Variants in FBXL7 observed in about 807,000 individuals in gnomAD.
The protein encoded by FBXL7 is F-box/LRR-repeat protein 7.
FBXL7 carries 12 observed loss-of-function variants against 38.3 expected under a neutral mutation model. The ratio of observed to expected loss-of-function variants is 0.31; its 90% confidence interval spans 0.20 to 0.51. FBXL7 has a LOEUF of 0.51. FBXL7 is among the 20% of genes least tolerant of loss of function. The probability of loss-of-function intolerance (pLI) is 0.98; values close to 1 mark genes in which losing one functional copy is unlikely to be tolerated. For missense variants in FBXL7, 567 were observed against 676.4 expected (o/e 0.84, Z 1.79); for synonymous variants, 297 against 300.9 (o/e 0.99, Z 0.13).
At chr5:15,617,857 C>T (rs563038986) in intron 2 of FBXL7, among the ~76,000 whole-genome samples, 2 of 152,240 alleles carry the variant, frequency 1.3e-5, no homozygotes, top group East Asian at 3.9e-4. Flanking sequence ...TGTTTTCTAC[C>T]GTTGTTTTAC....
At chr5:15,568,029 C>T (rs1475878240) in intron 1 of FBXL7, among the ~76,000 whole-genome samples, 1 of 152,080 alleles carries the variant, frequency 6.6e-6, no homozygotes, top group African/African-American at 2.4e-5. Flanking sequence ...CAAGTCTTTG[C>T]TATTGTGAAT....
intron 1 of FBXL7, among the ~76,000 whole-genome samples, chr5:15,533,832 C>T (rs1020671445): frequency 2.0e-5 from 3 of 152,102 alleles, no homozygotes; most frequent in Admixed American, 2.0e-4. Flanking sequence ...AATCTGGCTA[C>T]TTTCTAAGCC....
chr5:15,748,566 C>T (rs1317352595), intron 2 of FBXL7, among the ~76,000 whole-genome samples: 2 of 152,148 alleles, frequency 1.3e-5, no homozygotes, highest in African/African-American at 2.4e-5. Flanking sequence ...TCTCTTTTGC[C>T]TTCTGTCATG....
rs192121475 is a variant in FBXL7, at chr5:15,719,353, T to C, written c.127+103281T>C. Among the ~76,000 whole-genome samples the C allele has an allele frequency of 1.7e-4, 26 of 150,030 alleles. 1 individual carries two copies. Among genetic ancestry groups the C allele is most frequent in the Admixed American group, 1.7e-3 (25 of 14,916 alleles). Reference sequence around the variant, plus strand: ...ATCAAGAACTGTAGTGAATATCATTTAATGAGCATCTCTGATGTTTCTGAT... The same window carrying C: ...ATCAAGAACTGTAGTGAATATCATTCAATGAGCATCTCTGATGTTTCTGAT... On this transcript the variant is annotated intron_variant, in intron 2 of 3. Transcript: ENST00000504595.
intron 2 of FBXL7, among the ~76,000 whole-genome samples, chr5:15,794,462 A>G (rs1737361842): frequency 1.9e-5 from 2 of 107,342 alleles, no homozygotes; most frequent in African/African-American, 5.6e-5. Flanking sequence ...TATTCTAAGT[A>G]CCCCTAAGTT....
intron 1 of FBXL7, among the ~76,000 whole-genome samples, chr5:15,515,860 C>G (rs1178553637): frequency 1.3e-5 from 2 of 152,094 alleles, no homozygotes; most frequent in Admixed American, 6.5e-5. Context: ...TTATTACACT[C>G]AAATAACATT....
intron 1 of FBXL7, among the ~76,000 whole-genome samples, chr5:15,530,122 C>A (rs1737377618): frequency 6.6e-6 from 1 of 152,174 alleles, no homozygotes; most frequent in Non-Finnish European, 1.5e-5. Flanking sequence ...ATAGAAACAA[C>A]TTTGTTCCCT....
intron 2 of FBXL7, among the ~76,000 whole-genome samples, chr5:15,768,761 A>T (rs1244629651): frequency 2.0e-5 from 3 of 152,160 alleles, no homozygotes; most frequent in Non-Finnish European, 4.4e-5. Flanking sequence ...GGCTCCACTC[A>T]GCCCTGCCTC....
chr5:15,712,955 C>A (rs1315281575), intron 2 of FBXL7, among the ~76,000 whole-genome samples: 1 of 152,198 alleles, frequency 6.6e-6, no homozygotes, highest in Non-Finnish European at 1.5e-5. Flanking sequence ...AATTTCAGGT[C>A]TCCCACATCT....
chr5:15,525,864 T>G (rs1737237656), intron 1 of FBXL7, among the ~76,000 whole-genome samples: 1 of 152,182 alleles, frequency 6.6e-6, no homozygotes, highest in Admixed American at 6.5e-5. Flanking sequence ...CCCTGCAAAG[T>G]ATTGCACAAG....
intron 1 of FBXL7, among the ~76,000 whole-genome samples, chr5:15,560,691 T>C (rs780356644): frequency 3.3e-5 from 5 of 152,182 alleles, no homozygotes; most frequent in Non-Finnish European, 4.4e-5. Context: ...ATGTTAGCAG[T>C]CTCTTTCAAC....
chr5:15,677,209 C>CCGGAAAT (rs1424430142), intron 2 of FBXL7, among the ~76,000 whole-genome samples: 4 of 152,184 alleles, frequency 2.6e-5, no homozygotes, highest in Admixed American at 2.0e-4. Context: ...GTGGCTCACG[C>CCGGAAAT]CGGAAATCCC....
intron 2 of FBXL7, among the ~76,000 whole-genome samples, chr5:15,867,718 G>A (rs1739774779): frequency 6.6e-6 from 1 of 152,144 alleles, no homozygotes; most frequent in African/African-American, 2.4e-5. Context: ...TGCTTAAAGT[G>A]GAAGAGACAG....
At chr5:15,569,783 A>C (rs1738708531) in intron 1 of FBXL7, among the ~76,000 whole-genome samples, 1 of 152,214 alleles carries the variant, frequency 6.6e-6, no homozygotes, top group African/African-American at 2.4e-5. Flanking sequence ...TAATTTATTG[A>C]GAGTTTTTAG....
intron 2 of FBXL7, among the ~76,000 whole-genome samples, chr5:15,779,710 A>G (rs1736944477): frequency 6.6e-6 from 1 of 152,186 alleles, no homozygotes; most frequent in Non-Finnish European, 1.5e-5. Flanking sequence ...ATTTTTAGGC[A>G]GTTTAAAGTC....
intron 2 of FBXL7, among the ~76,000 whole-genome samples, chr5:15,898,901 CA>C (rs1455797332): frequency 6.6e-6 from 1 of 152,060 alleles, no homozygotes; most frequent in African/African-American, 2.4e-5. Flanking sequence ...CAGCAAATTA[CA>C]AGGATTTTTT....
intron 1 of FBXL7, among the ~76,000 whole-genome samples, chr5:15,608,996 C>T (rs1000397444): frequency 5.9e-5 from 9 of 152,114 alleles, no homozygotes; most frequent in Admixed American, 3.3e-4. Context: ...CAGACTTGCA[C>T]GTGAGCATAT....
intron 2 of FBXL7, among the ~76,000 whole-genome samples, chr5:15,745,231 A>G (rs933287974): frequency 1.1e-4 from 17 of 152,336 alleles, no homozygotes; most frequent in Non-Finnish European, 2.2e-4. Flanking sequence ...ATTTCTCAAA[A>G]AAAAGGAATA....
chr5:15,791,395 T>A lies in FBXL7; in HGVS notation c.128-136495T>A, dbSNP rs148124286. 4.9e-4 allele frequency among the ~76,000 whole-genome samples: 74 copies of A among 152,344 alleles called. No individual in the cohort carries two copies. The East Asian group carries it at 0.014, about 28-fold the overall frequency. On this transcript the variant is annotated intron_variant, in intron 2 of 3. Transcript: ENST00000504595. ...TTTGATAACTCAAATAAAAACTGTT[T>A]CATGTCCACTGTACGGCAGCTACAT...
Sources: allele counts gnomAD v4.1 joint callset (sites outside exome capture counted in the v4.1 genomes callset), GRCh38; gene constraint gnomAD v4.1.1; transcripts MANE v1.5; gene names NCBI Gene and HGNC (gene_info 2026-07-23, HGNC 2026-07-21).